TAFA4: variants seen among roughly 807,000 people sequenced by gnomAD.
The protein encoded by TAFA4 is chemokine-like protein TAFA-4.
TAFA4 carries 20 observed loss-of-function variants against 21.1 expected under a neutral mutation model. The observed-to-expected ratio is 0.95, with a 90% CI of 0.67 to 1.38. The LOEUF (loss-of-function observed/expected upper bound fraction) is 1.38. Ranked by LOEUF, TAFA4 falls within the 40% of genes most tolerant of loss-of-function variation. The pLI is 0.00. For missense variants in TAFA4, 211 were observed against 180.9 expected (o/e 1.17, Z -0.95); for synonymous variants, 71 against 67.4 (o/e 1.05, Z -0.26).
chr3:68,753,981 G>A (rs1702611784), intron 3 of TAFA4, among the ~76,000 whole-genome samples: 1 of 152,198 alleles, frequency 6.6e-6, no homozygotes, highest in South Asian at 2.1e-4. Context: ...TAAATGTGTG[G>A]TACTTTGTTA....
At chr3:68,851,337 CG>C (rs1171928225) in intron 3 of TAFA4, among the ~76,000 whole-genome samples, 3 of 151,960 alleles carry the variant, frequency 2.0e-5, no homozygotes, top group South Asian at 2.1e-4. Flanking sequence ...TAGAACCTGT[CG>C]GGGGGTGCAG....
intron 3 of TAFA4, among the ~76,000 whole-genome samples, chr3:68,838,658 C>G (rs1394287311): frequency 6.6e-6 from 1 of 152,162 alleles, no homozygotes; most frequent in Non-Finnish European, 1.5e-5. Context: ...TTTTTTACCC[C>G]TTTGTTAACC....
At chr3:68,841,737 C>T (rs1287444712) in intron 3 of TAFA4, among the ~76,000 whole-genome samples, 5 of 152,004 alleles carry the variant, frequency 3.3e-5, no homozygotes, top group Non-Finnish European at 5.9e-5. Flanking sequence ...TGATGTTCCC[C>T]TCCCTGTGTC....
At chr3:68,792,923 G>A (rs1430701900) in intron 3 of TAFA4, among the ~76,000 whole-genome samples, 2 of 151,796 alleles carry the variant, frequency 1.3e-5, no homozygotes, top group African/African-American at 4.8e-5. Context: ...CTATTAAACT[G>A]AGGCCATCTA....
intron 1 of TAFA4, among the ~76,000 whole-genome samples, chr3:68,912,292 T>G (rs2089967489): frequency 6.6e-6 from 1 of 152,206 alleles, no homozygotes; most frequent in African/African-American, 2.4e-5. Context: ...CTGGGTCTTT[T>G]TATTTGCTTG....
At chr3:68,742,226 A>T (rs955892414) in intron 4 of TAFA4, among the ~76,000 whole-genome samples, 4 of 152,228 alleles carry the variant, frequency 2.6e-5, no homozygotes, top group Admixed American at 2.6e-4. Context: ...AACATTATAA[A>T]GGTCATATAC....
intron 4 of TAFA4, among the ~76,000 whole-genome samples, chr3:68,741,279 G>A (rs1366690968): frequency 6.6e-6 from 1 of 152,092 alleles, no homozygotes; most frequent in Non-Finnish European, 1.5e-5. Flanking sequence ...ACAGGATATT[G>A]TTCTGTTTCT....
At chr3:68,741,172 T>G (rs1702344305) in intron 4 of TAFA4, among the ~76,000 whole-genome samples, 1 of 152,208 alleles carries the variant, frequency 6.6e-6, no homozygotes, top group African/African-American at 2.4e-5. Context: ...TTTTTCTATC[T>G]TTGTGGAAAA....
At chr3:68,853,303 T>C (rs1704993602) in intron 3 of TAFA4, among the ~76,000 whole-genome samples, 1 of 152,214 alleles carries the variant, frequency 6.6e-6, no homozygotes, top group Non-Finnish European at 1.5e-5. Flanking sequence ...GAGTCAGTTG[T>C]GTTTTGAATA....
intron 3 of TAFA4, among the ~76,000 whole-genome samples, chr3:68,782,831 T>G (rs765608186): frequency 6.6e-6 from 1 of 152,194 alleles, no homozygotes; most frequent in Non-Finnish European, 1.5e-5. Context: ...GTCATGATGG[T>G]TGTACAACAT....
At chr3:68,836,283 T>C (rs1298394082) in intron 3 of TAFA4, among the ~76,000 whole-genome samples, 2 of 152,212 alleles carry the variant, frequency 1.3e-5, no homozygotes, top group Non-Finnish European at 2.9e-5. Context: ...ACCAGGATTG[T>C]TTGCCAAACC....
intron 3 of TAFA4, among the ~76,000 whole-genome samples, chr3:68,805,818 G>C (rs934355615): frequency 6.6e-6 from 1 of 151,958 alleles, no homozygotes; most frequent in Non-Finnish European, 1.5e-5. Flanking sequence ...GGTGGGGGGA[G>C]GAGAGGGGGA....
At position 68,733,059 on chromosome 3, in the gene TAFA4, G is replaced by A; in HGVS notation, c.*83C>T. The A allele has an allele frequency of 2.5e-6, 4 of 1,578,900 alleles. No individual in the cohort carries two copies. Among genetic ancestry groups the A allele is most frequent in the South Asian group, 1.1e-5 (1 of 88,998 alleles). On this transcript the variant is annotated 3_prime_UTR_variant, in exon 6 of 6. Coordinates refer to ENST00000295569, the MANE Select transcript of TAFA4 (RefSeq NM_182522.5). ...TTGCTGAAATCCTAGACAATTTTCT[G>A]CAAAGGGGCCATGATGGGAATCCAA...
intron 3 of TAFA4, among the ~76,000 whole-genome samples, chr3:68,853,821 G>C (rs575109993): frequency 6.6e-6 from 1 of 152,252 alleles, no homozygotes; most frequent in South Asian, 2.1e-4. Flanking sequence ...CAACTGCTGT[G>C]TCTCAGTTGT....
At chr3:68,758,519 C>T (rs550935042) in intron 3 of TAFA4, among the ~76,000 whole-genome samples, 23 of 152,318 alleles carry the variant, frequency 1.5e-4, no homozygotes, top group Admixed American at 2.6e-4. Flanking sequence ...GCTCCTCCTT[C>T]GCCTTCTGCC....
intron 3 of TAFA4, among the ~76,000 whole-genome samples, chr3:68,830,991 TCA>T (rs1346404339): frequency 2.0e-5 from 3 of 152,250 alleles, no homozygotes; most frequent in African/African-American, 7.2e-5. Flanking sequence ...GTCTGTTTTA[TCA>T]GAGACCAGGA....
At chr3:68,917,435 G>T (rs2090013794) in intron 1 of TAFA4, among the ~76,000 whole-genome samples, 2 of 151,462 alleles carry the variant, frequency 1.3e-5, no homozygotes, top group African/African-American at 4.8e-5. Flanking sequence ...CTCCCCCCCT[G>T]TGTGTCAGTG....
Position 68,841,325 on chromosome 3 carries a change from AAAAAAAAAAAAT to A in TAFA4, c.130+39393_130+39404del, listed in dbSNP as rs1704659069. On this transcript the variant is annotated intron_variant, in intron 3 of 5. Coordinates refer to ENST00000295569, the MANE Select transcript of TAFA4 (RefSeq NM_182522.5). ...GCGACAGAGCGAGACTCCGTCTCAA[AAAAAAAAAAAAT>A]AAAAAAAAATAAAATCCACACACAT... Among the ~76,000 whole-genome samples the A allele has an allele frequency of 1.3e-5, 2 of 149,352 alleles. 1 individual carries two copies. Among genetic ancestry groups the A allele is most frequent in the Non-Finnish European group, 3.0e-5 (2 of 67,544 alleles).
At chr3:68,814,800 T>C (rs537755467) in intron 3 of TAFA4, among the ~76,000 whole-genome samples, 2 of 152,218 alleles carry the variant, frequency 1.3e-5, no homozygotes, top group South Asian at 2.1e-4. Context: ...CTTCACAGAA[T>C]TGGAAAAAAC....
Sources: allele counts gnomAD v4.1 joint callset (sites outside exome capture counted in the v4.1 genomes callset), GRCh38; gene constraint gnomAD v4.1.1; transcripts MANE v1.5; gene names NCBI Gene and HGNC (gene_info 2026-07-23, HGNC 2026-07-21).